The following FRRS1L variants were observed in gnomAD, a reference collection of about 807,000 sequenced individuals.
FRRS1L encodes ferric chelate reductase 1 like, also known as DOMON domain-containing protein FRRS1L.
In FRRS1L, 22 loss-of-function variants were observed where a neutral mutation model predicts 28.6. That is an observed-to-expected ratio of 0.77 (90% CI 0.55 to 1.10). The LOEUF (loss-of-function observed/expected upper bound fraction) is 1.10. Among genes scored for constraint, FRRS1L ranks in the 50% least tolerant of loss-of-function variants. The pLI, the probability that FRRS1L is intolerant of heterozygous loss-of-function variation, is 0.00. For synonymous variants in FRRS1L, 158 were observed against 151.4 expected (o/e 1.04, Z -0.32); for missense variants, 380 against 386.9 (o/e 0.98, Z 0.15).
At chr9:109,157,516 A>T (rs1174010594) in intron 1 of FRRS1L, among the ~76,000 whole-genome samples, 1 of 152,180 alleles carries the variant, frequency 6.6e-6, no homozygotes. Flanking sequence ...CACCCTGAGC[A>T]GCTGGGACCA....
chr9:109,139,435 AT>A (rs1831153963), intron 4 of FRRS1L: 1 of 152,194 alleles, frequency 6.6e-6, no homozygotes, highest in South Asian at 2.1e-4. Flanking sequence ...GCTTTTTCCA[AT>A]TGGTAAAGCA....
rs1160013716 is a variant in FRRS1L at position 109,132,892 on chromosome 9, A to T, written c.*4563T>A. On this transcript the variant is annotated 3_prime_UTR_variant, in exon 5 of 5. Transcript: ENST00000561981. ...CAAACAGAGACTGAAAAGCCAAAAA[A>T]CTACTATCTGACCCTTAACAGAGAA... The T allele has an allele frequency of 6.6e-6, 1 of 152,222 alleles. No individual in the cohort carries two copies. Among genetic ancestry groups the T allele is most frequent in the African/African-American group, 2.4e-5 (1 of 41,444 alleles). 9.4% of individuals were successfully genotyped at this position (152,222 alleles called of 1,614,324 possible). A position where few individuals can be genotyped will look rare whatever the true frequency, so the allele number is the denominator to read the frequency against.
In FRRS1L at chr9:109,135,270, G is replaced by A. The variant is rs1564226883; in HGVS notation, c.*2185C>T. 1.3e-5 allele frequency: 2 copies of A among 152,188 alleles called. No individual in the cohort carries two copies. Among genetic ancestry groups the A allele is most frequent in the African/African-American group, 2.4e-5 (1 of 41,426 alleles). The allele number at this position is 152,188 out of a possible 1,614,324, so 9.4% of individuals were successfully genotyped here. A position where few individuals can be genotyped will look rare whatever the true frequency, so the allele number is the denominator to read the frequency against. ...AACAAGGGCAAGCCAGAGAACTCTA[G>A]AATGCCAGAGTGGAAATGTCTCAGC... is the stretch of plus-strand genomic sequence containing the variant. On this transcript the variant is annotated 3_prime_UTR_variant, in exon 5 of 5. Transcript: ENST00000561981.
At chr9:109,156,038 T>C (rs1351039331) in intron 1 of FRRS1L, among the ~76,000 whole-genome samples, 1 of 152,166 alleles carries the variant, frequency 6.6e-6, no homozygotes, top group African/African-American at 2.4e-5. Context: ...TCCAGTGTCA[T>C]GTACATGATT....
intron 2 of FRRS1L, 61 bp downstream of exon 2, chr9:109,149,575 A>G: frequency 4.5e-6 from 5 of 1,123,448 alleles, no homozygotes; most frequent in South Asian, 1.3e-5. Context: ...CAATTTAAAT[A>G]CTACCCTGAG....
chr9:109,165,317 C>T (rs1241474255), intron 1 of FRRS1L, among the ~76,000 whole-genome samples: 1 of 152,212 alleles, frequency 6.6e-6, no homozygotes, highest in Admixed American at 6.5e-5. Flanking sequence ...TAAAAGGTAA[C>T]TACTTGCCCT....
rs1831122702 is a variant in FRRS1L at position 109,137,156 on chromosome 9, C to G, written c.*299G>C. On this transcript the variant is annotated 3_prime_UTR_variant, in exon 5 of 5. Transcript: ENST00000561981. ...GTCTTTTTGGGTCTCAAATCCCATT[C>G]AGGAAGATGGCAATCACAATTTTCA... is the stretch of plus-strand genomic sequence containing the variant. 2 of 180,018 alleles carry G rather than the reference C, an allele frequency of 1.1e-5. No individual in the cohort carries two copies. Among genetic ancestry groups the G allele is most frequent in the East Asian group, 1.3e-4 (1 of 7,558 alleles). 11.2% of individuals were successfully genotyped at this position (180,018 alleles called of 1,614,324 possible).
chr9:109,141,295 G>A (rs369827318), intron 4 of FRRS1L, 48 bp downstream of exon 4: 260 of 1,604,844 alleles, frequency 1.6e-4, no homozygotes, highest in Non-Finnish European at 2.0e-4. Flanking sequence ...ATGAACACAA[G>A]CACAGTGGTG....
At chr9:109,146,903 C>G in intron 3 of FRRS1L, 148 bp downstream of exon 3, 1 of 715,002 alleles carries the variant, frequency 1.4e-6, no homozygotes. Flanking sequence ...TTCATTTAAG[C>G]TAGCCTGAAT....
intron 1 of FRRS1L, chr9:109,149,969 G>C (rs1475441370): frequency 2.6e-6 from 1 of 378,546 alleles, no homozygotes; most frequent in African/African-American, 2.1e-5. Context: ...GAGGAACCTG[G>C]GGCACTGAGA....
chr9:109,164,967 T>C (rs1831529023), intron 1 of FRRS1L, among the ~76,000 whole-genome samples: 1 of 152,224 alleles, frequency 6.6e-6, no homozygotes, highest in African/African-American at 2.4e-5. Flanking sequence ...TTCTGGACTA[T>C]ACAATGAACA....
rs1485012873 is a variant in FRRS1L at position 109,137,521 on chromosome 9, G to A, written c.816C>T (p.Phe272=). 6.2e-7 allele frequency: 1 copy of A among 1,613,478 alleles called. No homozygotes were observed. Among genetic ancestry groups the A allele is most frequent in the Non-Finnish European group, 8.5e-7 (1 of 1,179,562 alleles). The change falls in exon 5 of 5, where the codon TTC becomes TTT. Residue 272 remains phenylalanine (F), a synonymous_variant. Coordinates refer to ENST00000561981, the MANE Select transcript of FRRS1L (RefSeq NM_014334.4). The part of the protein sequence containing the change: ...IFMPSAAYQT[F]SSPFCLLLIV... ...TCAGAAGCAAACAAAATGGAGATGAGAAGGTTTGATAGGCAGCTGATGGCA... is the reference window on the plus strand; with the variant it reads ...TCAGAAGCAAACAAAATGGAGATGAAAAGGTTTGATAGGCAGCTGATGGCA...
rs941597639 is a variant in FRRS1L, at chr9:109,130,563, A to G, written c.*6892T>C. ...AAAAATTTACATAAGATAGGCTTAT[A>G]AATATACATAAATCTCAAAATTAAT... is the stretch of plus-strand genomic sequence containing the variant. On this transcript the variant is annotated 3_prime_UTR_variant, in exon 5 of 5. Transcript: ENST00000561981. 6.6e-6 allele frequency: 1 copy of G among 152,242 alleles called. No individual in the cohort carries two copies. Among genetic ancestry groups the G allele is most frequent in the African/African-American group, 2.4e-5 (1 of 41,464 alleles). 9.4% of individuals were successfully genotyped at this position (152,242 alleles called of 1,614,324 possible).
intron 1 of FRRS1L, among the ~76,000 whole-genome samples, chr9:109,155,289 C>T (rs1831390258): frequency 6.6e-6 from 1 of 152,202 alleles, no homozygotes; most frequent in Non-Finnish European, 1.5e-5. Context: ...ACATCTCATT[C>T]TGTTTATTAT....
rs1329921858 is a variant in FRRS1L, at chr9:109,134,446, A to G, written c.*3009T>C. The G allele has an allele frequency of 6.6e-5, 10 of 152,236 alleles. No individual in the cohort carries two copies. The highest frequency in any genetic ancestry group is 2.4e-4 in the African/African-American group (10 of 41,460). The allele number at this position is 152,236 out of a possible 1,614,324, so 9.4% of individuals were successfully genotyped here. On this transcript the variant is annotated 3_prime_UTR_variant, in exon 5 of 5. Transcript: ENST00000561981. ...AGTTGTGACCTGATAGGTGAATAGG[A>G]GTTCATCAAGCACAAGAGGTGGAGA...
chr9:109,163,141 G>C (rs940494922), intron 1 of FRRS1L, among the ~76,000 whole-genome samples: 7 of 152,126 alleles, frequency 4.6e-5, no homozygotes, highest in Non-Finnish European at 1.0e-4. Context: ...AGTTTTGTTT[G>C]TTTTTCCCCA....
chr9:109,165,987 A>C (rs1296323090), intron 1 of FRRS1L, among the ~76,000 whole-genome samples: 1 of 152,224 alleles, frequency 6.6e-6, no homozygotes, highest in Non-Finnish European at 1.5e-5. Context: ...GTAAGAGAGA[A>C]ACTTCTATCT....
At position 109,166,927 on chromosome 9, in the gene FRRS1L, T is replaced by C. The variant is rs1191302916; in HGVS notation, c.212A>G (p.Tyr71Cys). 7.6e-7 allele frequency: 1 copy of C among 1,318,318 alleles called. No homozygotes were observed. Among genetic ancestry groups the C allele is most frequent in the Admixed American group, 2.7e-5 (1 of 36,560 alleles). 81.7% of individuals were successfully genotyped at this position (1,318,318 alleles called of 1,614,324 possible). ...SSYGTFAGEF[Y>C]DLRYLSEEGY... Reference sequence around the variant, plus strand: ...CTCCTCCGACAGGTAGCGCAGGTCGTAGAACTCCCCCGCGAAGGTGCCGTA... The same window carrying C: ...CTCCTCCGACAGGTAGCGCAGGTCGCAGAACTCCCCCGCGAAGGTGCCGTA... The change falls in exon 1 of 5, where the codon TAC becomes TGC. Residue 71 changes from tyrosine (Y) to cysteine (C), a missense_variant. Coordinates refer to ENST00000561981, the MANE Select transcript of FRRS1L (RefSeq NM_014334.4).
rs964609205 is a variant in FRRS1L at position 109,131,293 on chromosome 9, T to A, written c.*6162A>T. Reference sequence around the variant, plus strand: ...GTGGTACTTTATATGTTCTTAACAATTCATATAATGTTGAATGGAGGAGGA... The same window carrying A: ...GTGGTACTTTATATGTTCTTAACAAATCATATAATGTTGAATGGAGGAGGA... On this transcript the variant is annotated 3_prime_UTR_variant, in exon 5 of 5. Transcript: ENST00000561981. 3 of 152,220 alleles carry A rather than the reference T, an allele frequency of 2.0e-5. No individual in the cohort carries two copies. Among genetic ancestry groups the A allele is most frequent in the Non-Finnish European group, 4.4e-5 (3 of 68,040 alleles). 9.4% of individuals were successfully genotyped at this position (152,220 alleles called of 1,614,324 possible).
Sources: gnomAD v4.1 joint callset for allele counts (sites outside exome capture counted in the v4.1 genomes callset) on GRCh38, gnomAD v4.1.1 for gene constraint, MANE v1.5 for transcripts, NCBI Gene and HGNC (gene_info 2026-07-23, HGNC 2026-07-21) for gene names.